Variants in BBX observed in about 807,000 individuals in gnomAD.
The protein encoded by BBX is HMG box transcription factor BBX.
A neutral mutation model predicts 100.2 loss-of-function variants in BBX; 30 were observed. The ratio of observed to expected loss-of-function variants is 0.30; its 90% CI spans 0.22 to 0.41. BBX has a LOEUF of 0.41. Ranked by LOEUF, BBX falls within the 10% of genes least tolerant of loss-of-function variation. The probability of loss-of-function intolerance (pLI) is 1.00; values close to 1 mark genes in which losing one functional copy is unlikely to be tolerated. For missense variants in BBX, 1,023 were observed against 1,129.8 expected, an observed-to-expected ratio of 0.91 and a Z score of 1.35; for synonymous variants, 376 against 388.1, an observed-to-expected ratio of 0.97 and a Z score of 0.37.
At chr3:107,720,743 C>T (rs936959552) in intron 5 of BBX, among the ~76,000 whole-genome samples, 1 of 152,022 alleles carries the variant, frequency 6.6e-6, no homozygotes, top group African/African-American at 2.4e-5. Flanking sequence ...AAGGTTTTCA[C>T]TGCCACAAAA....
intron 13 of BBX, among the ~76,000 whole-genome samples, chr3:107,779,093 A>G (rs1307991431): frequency 2.0e-5 from 3 of 147,932 alleles, no homozygotes; most frequent in African/African-American, 7.5e-5. Context: ...TTCATTTTCA[A>G]GTAATCAGCT....
chr3:107,671,072 A>T (rs534869962), intron 3 of BBX, among the ~76,000 whole-genome samples: 3 of 151,572 alleles, frequency 2.0e-5, no homozygotes, highest in East Asian at 1.9e-4. Flanking sequence ...TGAGCATTTT[A>T]AAAAAATTTT....
intron 16 of BBX, among the ~76,000 whole-genome samples, chr3:107,799,747 A>G (rs1203212694): frequency 6.6e-6 from 1 of 152,114 alleles, no homozygotes; most frequent in East Asian, 1.9e-4. Flanking sequence ...TAATTCACCA[A>G]CTGGTGAATT....
chr3:107,698,897 G>A (rs75286338), intron 3 of BBX, among the ~76,000 whole-genome samples: 10 of 151,722 alleles, frequency 6.6e-5, no homozygotes, highest in Non-Finnish European at 1.0e-4. Flanking sequence ...GTAATTGTTA[G>A]GAATGTCTGA....
At chr3:107,545,521 G>A (rs1275777888) in intron 2 of BBX, among the ~76,000 whole-genome samples, 2 of 152,158 alleles carry the variant, frequency 1.3e-5, no homozygotes, top group East Asian at 1.9e-4. Context: ...GCTGGAAACC[G>A]AAGTTTTCAG....
intron 3 of BBX, among the ~76,000 whole-genome samples, chr3:107,653,853 A>G (rs1034455830): frequency 6.6e-6 from 1 of 152,160 alleles, no homozygotes; most frequent in Non-Finnish European, 1.5e-5. Context: ...CACTGTCCTA[A>G]TAAGTTGTGC....
intron 2 of BBX, among the ~76,000 whole-genome samples, chr3:107,554,009 A>G (rs1258512280): frequency 1.3e-5 from 2 of 152,200 alleles, no homozygotes; most frequent in Non-Finnish European, 2.9e-5. Context: ...TCCTGAACAA[A>G]TAAGAAACTG....
intron 3 of BBX, among the ~76,000 whole-genome samples, chr3:107,685,551 T>TGA (rs2059798812): frequency 1.3e-5 from 2 of 152,236 alleles, no homozygotes; most frequent in Non-Finnish European, 2.9e-5. Context: ...TCGCCAGTGA[T>TGA]GCATCTGTGA....
intron 15 of BBX, 121 bp downstream of exon 15, chr3:107,791,420 A>C (rs2069018123): frequency 1.3e-6 from 1 of 761,564 alleles, no homozygotes. Flanking sequence ...TTATGTGTTC[A>C]TAATTAGGTT....
intron 2 of BBX, among the ~76,000 whole-genome samples, chr3:107,619,867 G>C (rs547796911): frequency 1.3e-5 from 2 of 152,164 alleles, no homozygotes; most frequent in Admixed American, 6.5e-5. Flanking sequence ...CAAGATTTGA[G>C]AGGGAGGGGA....
At chr3:107,629,831 A>G (rs1459586146) in intron 2 of BBX, among the ~76,000 whole-genome samples, 1 of 152,176 alleles carries the variant, frequency 6.6e-6, no homozygotes, top group African/African-American at 2.4e-5. Context: ...TGTGAACGTA[A>G]GGACAGTTTC....
chr3:107,531,109 A>G (rs1042505914), intron 2 of BBX, among the ~76,000 whole-genome samples: 2 of 152,208 alleles, frequency 1.3e-5, no homozygotes, highest in East Asian at 3.8e-4. Context: ...CCTCAGTACA[A>G]AGGACAGATG....
Position 107,716,953 on chromosome 3 carries a change from T to C in BBX, c.405+104T>C. 20 of 1,370,484 alleles carry C rather than the reference T, an allele frequency of 1.5e-5. 1 individual carries two copies. Among genetic ancestry groups the C allele is most frequent in the Non-Finnish European group, 2.0e-5 (20 of 998,490 alleles). 84.9% of individuals were successfully genotyped at this position (1,370,484 alleles called of 1,614,324 possible). ...TGTTGAAGGTCTAGCAATGAGAAGG[T>C]GAATCATAAATGAGATGTTAAGTAA... is the stretch of plus-strand genomic sequence containing the variant. On this transcript the variant is annotated intron_variant, in intron 5 of 17. Transcript: ENST00000325805.
chr3:107,724,142 T>G (rs1252407185), intron 5 of BBX, among the ~76,000 whole-genome samples: 2 of 152,258 alleles, frequency 1.3e-5, no homozygotes, highest in Non-Finnish European at 2.9e-5. Context: ...GGTTTTGATT[T>G]GCATTTCTCT....
At chr3:107,768,573 A>T (rs951522021) in intron 10 of BBX, among the ~76,000 whole-genome samples, 9 of 152,174 alleles carry the variant, frequency 5.9e-5, no homozygotes, top group African/African-American at 2.2e-4. Context: ...AAGATAATTC[A>T]CATTTTGAAG....
intron 10 of BBX, among the ~76,000 whole-genome samples, chr3:107,756,436 A>T (rs920146942): frequency 6.6e-6 from 1 of 151,914 alleles, no homozygotes; most frequent in African/African-American, 2.4e-5. Flanking sequence ...CTCTTACTAA[A>T]TTTTTTTTAA....
chr3:107,670,273 CTGA>C (rs905592589), intron 3 of BBX, among the ~76,000 whole-genome samples: 28 of 151,896 alleles, frequency 1.8e-4, no homozygotes, highest in African/African-American at 6.3e-4. Context: ...AGAAATGAAA[CTGA>C]TGTCTTAATT....
At chr3:107,566,409 T>G (rs1401092702) in intron 2 of BBX, among the ~76,000 whole-genome samples, 1 of 152,126 alleles carries the variant, frequency 6.6e-6, no homozygotes, top group Admixed American at 6.5e-5. Context: ...ATAACTTTGC[T>G]GTTCTTACAG....
chr3:107,775,997 G>A (rs1372307265), intron 12 of BBX, among the ~76,000 whole-genome samples: 1 of 151,302 alleles, frequency 6.6e-6, no homozygotes, highest in Non-Finnish European at 1.5e-5. Flanking sequence ...AATTAGTTTT[G>A]CTTACATTTT....
Sources: gnomAD v4.1 joint callset for allele counts (sites outside exome capture counted in the v4.1 genomes callset) on GRCh38, gnomAD v4.1.1 for gene constraint, MANE v1.5 for transcripts, NCBI Gene and HGNC (gene_info 2026-07-23, HGNC 2026-07-21) for gene names.